Variants in CEP128 observed in about 807,000 individuals in gnomAD.
CEP128 encodes centrosomal protein 128.
A neutral mutation model predicts 156.7 loss-of-function variants in CEP128; 132 were observed. That is an observed-to-expected ratio of 0.84 (90% CI 0.73 to 0.97). The LOEUF (loss-of-function observed/expected upper bound fraction) is 0.97, where lower values mean the gene tolerates loss of function less well. Ranked by LOEUF, CEP128 falls within the 50% of genes least tolerant of loss-of-function variation. CEP128 has a pLI of 0.00. For synonymous variants in CEP128, 469 were observed against 448.9 expected (o/e 1.04, Z -0.57); for missense variants, 1,252 against 1,281.9 (o/e 0.98, Z 0.36).
chr14:80,806,904 T>C (rs1235573022), intron 13 of CEP128, among the ~76,000 whole-genome samples: 1 of 152,160 alleles, frequency 6.6e-6, no homozygotes, highest in Non-Finnish European at 1.5e-5. Flanking sequence ...TAGAGCATTA[T>C]GGTTTATTTG....
intron 12 of CEP128, among the ~76,000 whole-genome samples, chr14:80,832,822 G>A (rs1280397746): frequency 2.0e-5 from 3 of 152,174 alleles, no homozygotes; most frequent in African/African-American, 7.2e-5. Context: ...GGTGGGAGGA[G>A]GGAGTGTCAA....
intron 19 of CEP128, among the ~76,000 whole-genome samples, chr14:80,587,875 A>G (rs1165982740): frequency 2.6e-5 from 4 of 152,138 alleles, no homozygotes; most frequent in Admixed American, 2.6e-4. Context: ...TCTGCATTAC[A>G]CTCACATAAT....
At chr14:80,567,724 G>A (rs1469477660) in intron 20 of CEP128, among the ~76,000 whole-genome samples, 1 of 152,108 alleles carries the variant, frequency 6.6e-6, no homozygotes, top group Non-Finnish European at 1.5e-5. Flanking sequence ...CTCGTAACAG[G>A]TAACAAAGGT....
chr14:80,894,738 T>C, intron 8 of CEP128: 1 of 327,736 alleles, frequency 3.1e-6, no homozygotes, highest in Non-Finnish European at 5.9e-6. Context: ...ATTCATATTT[T>C]TAAAATAAGC....
intron 20 of CEP128, among the ~76,000 whole-genome samples, chr14:80,560,478 T>C (rs149485189): frequency 1.3e-5 from 2 of 152,262 alleles, no homozygotes; most frequent in Admixed American, 1.3e-4. Context: ...AATCTGGATT[T>C]TTAAAAATAA....
At chr14:80,550,966 T>C (rs1271969623) in intron 21 of CEP128, among the ~76,000 whole-genome samples, 2 of 152,138 alleles carry the variant, frequency 1.3e-5, no homozygotes, top group African/African-American at 4.8e-5. Context: ...TCATTTCTAT[T>C]CCCATTATTT....
In CEP128 at chr14:80,758,454, G is replaced by A. The variant is rs572915619; in HGVS notation, c.2554-1503C>T. 1.4e-4 allele frequency among the ~76,000 whole-genome samples: 22 copies of A among 151,916 alleles called. 1 individual carries two copies. Among genetic ancestry groups the A allele is most frequent in the South Asian group, 1.0e-3 (5 of 4,812 alleles). Reference sequence around the variant, plus strand: ...AGAGAATTGCTTGAACCCAGGACGCGGAGGTTGCAGTGAGCAGAGATCGTG... The same window carrying A: ...AGAGAATTGCTTGAACCCAGGACGCAGAGGTTGCAGTGAGCAGAGATCGTG... On this transcript the variant is annotated intron_variant, in intron 17 of 24. Coordinates refer to ENST00000555265, the MANE Select transcript of CEP128 (RefSeq NM_152446.5).
downstream of CEP128, among the ~76,000 whole-genome samples, chr14:80,486,626 T>C (rs966116547): frequency 7.9e-5 from 12 of 152,180 alleles, no homozygotes; most frequent in African/African-American, 2.7e-4. Context: ...AGAGAAACGT[T>C]GGGTTACCCA....
chr14:80,763,938 T>C (rs1214981710), intron 16 of CEP128, among the ~76,000 whole-genome samples: 1 of 152,072 alleles, frequency 6.6e-6, no homozygotes, highest in Non-Finnish European at 1.5e-5. Context: ...ATAAAGAAAA[T>C]AAATACCCTA....
chr14:80,535,846 A>T (rs1232099035), intron 21 of CEP128, among the ~76,000 whole-genome samples: 1 of 152,224 alleles, frequency 6.6e-6, no homozygotes, highest in Non-Finnish European at 1.5e-5. Context: ...TGACCTCTTT[A>T]TTAAAACCCC....
At chr14:80,860,212 A>T (rs971060173) in intron 9 of CEP128, among the ~76,000 whole-genome samples, 10 of 152,190 alleles carry the variant, frequency 6.6e-5, no homozygotes, top group Non-Finnish European at 1.3e-4. Context: ...ACATCAGCTT[A>T]ATCTTTCCTA....
chr14:80,487,102 C>A (rs574518913), downstream of CEP128, among the ~76,000 whole-genome samples: 1 of 152,014 alleles, frequency 6.6e-6, no homozygotes, highest in Non-Finnish European at 1.5e-5. Context: ...AGAGTCAAAA[C>A]CCATCAGTGT....
At chr14:80,749,073 A>C (rs1899254255) in intron 18 of CEP128, among the ~76,000 whole-genome samples, 1 of 152,054 alleles carries the variant, frequency 6.6e-6, no homozygotes, top group Admixed American at 6.5e-5. Flanking sequence ...CCACAGTCCC[A>C]GTGGTTGTGG....
rs116020918 is a variant in CEP128, at chr14:80,921,258, G to C, written c.-15-4696C>G. Among the ~76,000 whole-genome samples, 1,491 of 152,220 alleles carry C rather than the reference G, an allele frequency of 9.8e-3. 33 individuals carry two copies. Among genetic ancestry groups the C allele is most frequent in the African/African-American group, 0.034 (1,412 of 41,508 alleles). ...GTATTGAGAGGTGGGACCTTTAAAA[G>C]GTGATTGGGTCATGAAGGCTCCTCC... On this transcript the variant is annotated intron_variant, in intron 2 of 24. Coordinates refer to ENST00000555265, the MANE Select transcript of CEP128 (RefSeq NM_152446.5).
At chr14:80,799,433 A>G (rs1217725326) in intron 13 of CEP128, among the ~76,000 whole-genome samples, 4 of 152,172 alleles carry the variant, frequency 2.6e-5, no homozygotes, top group Non-Finnish European at 5.9e-5. Flanking sequence ...ACAATATGAA[A>G]TCAGTGCACC....
upstream of CEP128, among the ~76,000 whole-genome samples, chr14:80,944,356 G>A (rs534792337): frequency 2.0e-5 from 3 of 152,086 alleles, no homozygotes; most frequent in African/African-American, 4.8e-5. Context: ...GTTCCCCCAC[G>A]CTGTTCTCAT....
chr14:80,959,395 C>T (rs1229601454), intron 1 of CEP128: 2 of 152,120 alleles, frequency 1.3e-5, no homozygotes, highest in Admixed American at 1.3e-4. Context: ...TATCTCAAAA[C>T]CAAGGATAAC....
intron 8 of CEP128, among the ~76,000 whole-genome samples, chr14:80,883,717 T>C (rs1163053874): frequency 1.3e-5 from 2 of 151,956 alleles, no homozygotes; most frequent in Non-Finnish European, 2.9e-5. Context: ...TTCACTGAAA[T>C]AGAAAAAAAA....
intron 19 of CEP128, among the ~76,000 whole-genome samples, chr14:80,735,111 A>AT (rs934658325): frequency 2.6e-5 from 4 of 151,726 alleles, no homozygotes; most frequent in Admixed American, 1.3e-4. Flanking sequence ...TCTGTTTCTT[A>AT]TTTTTTTTCC....
Sources: allele counts gnomAD v4.1 joint callset (sites outside exome capture counted in the v4.1 genomes callset), GRCh38; gene constraint gnomAD v4.1.1; transcripts MANE v1.5; gene names NCBI Gene and HGNC (gene_info 2026-07-23, HGNC 2026-07-21).